SMG1: variants seen among roughly 807,000 people sequenced by gnomAD.
SMG1 encodes the protein SMG1 nonsense mediated mRNA decay associated PI3K related kinase.
A neutral mutation model predicts 419.9 loss-of-function variants in SMG1; 22 were observed. The ratio of observed to expected loss-of-function variants is 0.05; its 90% CI spans 0.04 to 0.07. SMG1 has a LOEUF of 0.07. Ranked by LOEUF, SMG1 falls within the 10% of genes least tolerant of loss-of-function variation. SMG1 has a pLI of 1.00. For missense variants in SMG1, 3,185 were observed against 4,342.0 expected (o/e 0.73, Z 7.49); for synonymous variants, 1,538 against 1,553.5 (o/e 0.99, Z 0.23).
intron 46 of SMG1, among the ~76,000 whole-genome samples, chr16:18,836,791 T>A (rs530729562): frequency 1.3e-5 from 2 of 152,338 alleles, no homozygotes; most frequent in South Asian, 4.1e-4. Context: ...GCTTGACAGA[T>A]CTTTGTAATC....
At chr16:18,900,164 G>A in intron 1 of SMG1, 3 of 554,788 alleles carry the variant, frequency 5.4e-6, no homozygotes, top group Non-Finnish European at 9.5e-6. Flanking sequence ...TCCCATTAGG[G>A]TTCATACATT....
intron 54 of SMG1, 37 bp downstream of exon 54, chr16:18,829,249 C>T (rs759025627): frequency 1.3e-6 from 2 of 1,529,446 alleles, no homozygotes; most frequent in Non-Finnish European, 8.9e-7. Flanking sequence ...AAGTTTCCTA[C>T]CTTGAGGAAA....
intron 56 of SMG1, 127 bp from the exon 57 acceptor site, chr16:18,817,597 A>G: frequency 2.7e-6 from 2 of 745,210 alleles, no homozygotes; most frequent in Non-Finnish European, 4.2e-6. Flanking sequence ...TGGTCCTGAA[A>G]ATGTTTGGGA....
At chr16:18,809,697 G>T in intron 62 of SMG1, 51 bp from the exon 63 acceptor site, 2 of 1,410,672 alleles carry the variant, frequency 1.4e-6, no homozygotes, top group Middle Eastern at 1.8e-4. Context: ...CTTTTCAATT[G>T]TCTGCTGAAT....
chr16:18,842,924 G>T (rs979379598), intron 39 of SMG1, among the ~76,000 whole-genome samples: 2 of 152,224 alleles, frequency 1.3e-5, no homozygotes, highest in Non-Finnish European at 2.9e-5. Flanking sequence ...GGCCATCCTG[G>T]ATGGGTTAAC....
chr16:18,841,082 A>G, intron 41 of SMG1, among the ~76,000 whole-genome samples: 1 of 152,068 alleles, frequency 6.6e-6, no homozygotes, highest in Non-Finnish European at 1.5e-5. Flanking sequence ...AACCAAAAAA[A>G]AGCAAACAAC....
At chr16:18,918,045 G>C (rs2038045451) in intron 1 of SMG1, among the ~76,000 whole-genome samples, 1 of 151,616 alleles carries the variant, frequency 6.6e-6, no homozygotes, top group South Asian at 2.1e-4. Flanking sequence ...TGGATCACCT[G>C]AGGTCATGAG....
At position 18,842,225 on chromosome 16, in the gene SMG1, T is replaced by C; in HGVS notation, c.6449A>G (p.Tyr2150Cys). 1 of 1,613,660 alleles carries C rather than the reference T, an allele frequency of 6.2e-7. No homozygotes were observed. Among genetic ancestry groups the C allele is most frequent in the East Asian group, 2.2e-5 (1 of 44,872 alleles). Reference protein sequence around the residue: ...LLFLGSDGKSYPYLFKGLEDL... With the variant: ...LLFLGSDGKSCPYLFKGLEDL... Reference sequence around the variant, plus strand: ...AATCCTACCTTTGAAAAGATAAGGATAGCTCTTCCCATCTGATCCAAGAAA... The same window carrying C: ...AATCCTACCTTTGAAAAGATAAGGACAGCTCTTCCCATCTGATCCAAGAAA... Residue 2150 changes from tyrosine to cysteine, a missense_variant, in exon 40 of 63, where the codon TAT becomes TGT. Tyr to Cys is a radical substitution (Grantham distance 194). Around this residue, in one of 27 missense-constraint regions of SMG1, gnomAD observed 159 missense variants for 196.0 expected, o/e 0.81. Transcript: ENST00000446231.
In SMG1 at chr16:18,809,328, G is replaced by A. The variant is rs769991683; in HGVS notation, c.*241C>T. The A allele has an allele frequency of 4.6e-5, 23 of 501,566 alleles. No homozygotes were observed. Among genetic ancestry groups the A allele is most frequent in the Admixed American group, 1.0e-4 (3 of 30,142 alleles). The allele number at this position is 501,566 out of a possible 1,614,324, so 31.1% of individuals were successfully genotyped here. On this transcript the variant is annotated 3_prime_UTR_variant, in exon 63 of 63. Coordinates refer to ENST00000446231, the MANE Select transcript of SMG1 (RefSeq NM_015092.5). ...AGAAAGACAATCTCCGTGTTCAGGC[G>A]GTGAGCTTGCTTTCCTTCACCCTTG...
intron 13 of SMG1, chr16:18,875,278 CAGTA>C (rs1383501318): frequency 1.3e-5 from 2 of 152,544 alleles, no homozygotes; most frequent in Non-Finnish European, 2.9e-5. Context: ...GGATGCTCAC[CAGTA>C]AGTGTTATGA....
Position 18,868,562 on chromosome 16 carries a change from T to G in SMG1, c.2991A>C (p.Ala997=). 6.3e-7 allele frequency: 1 copy of G among 1,596,376 alleles called. No homozygotes were observed. Among genetic ancestry groups the G allele is most frequent in the Admixed American group, 1.7e-5 (1 of 60,010 alleles). Residue 997 remains alanine (A), a synonymous_variant, in exon 21 of 63, where the codon GCA becomes GCC. Coordinates refer to ENST00000446231, the MANE Select transcript of SMG1 (RefSeq NM_015092.5). Reference sequence around the variant, plus strand: ...TTAATGCATTAGCACATCCCTCGTATGCATTATACATTAATTTCTCCAGAT... The same window carrying G: ...TTAATGCATTAGCACATCCCTCGTAGGCATTATACATTAATTTCTCCAGAT... ...LENLEKLMYN[A]YEGCANALTS...
chr16:18,888,518 C>T (rs2036737920), intron 6 of SMG1, among the ~76,000 whole-genome samples: 1 of 151,348 alleles, frequency 6.6e-6, no homozygotes, highest in Non-Finnish European at 1.5e-5. Flanking sequence ...CTCTGTTGCC[C>T]AGGCAATGGT....
intron 48 of SMG1, 65 bp from the exon 49 acceptor site, chr16:18,835,229 G>C: frequency 6.8e-7 from 1 of 1,464,578 alleles, no homozygotes; most frequent in Admixed American, 2.2e-5. Flanking sequence ...AAAGAATATT[G>C]CATTTAATCC....
Position 18,884,138 on chromosome 16 carries a change from C to T in SMG1, c.1051G>A (p.Val351Ile), listed in dbSNP as rs758005792. ...GTAGTAGAAAATGCAAGATCAGCTACCCAAAATGGCTCCAAACTCTGCAAC... is the reference window on the plus strand; with the variant it reads ...GTAGTAGAAAATGCAAGATCAGCTATCCAAAATGGCTCCAAACTCTGCAAC... ...GWLQSLEPFW[V>I]ADLAFSTTLL... The change falls in exon 9 of 63, where the codon GTA (valine) becomes ATA (isoleucine). Residue 351 changes from valine to isoleucine, a missense_variant. Val to Ile is a conservative substitution (Grantham distance 29). Coordinates refer to ENST00000446231, the MANE Select transcript of SMG1 (RefSeq NM_015092.5). 6 of 1,603,074 alleles carry T rather than the reference C, an allele frequency of 3.7e-6. No homozygotes were observed. In the Admixed American group the frequency reaches 5.1e-5, roughly 14 times the overall value.
intron 62 of SMG1, 69 bp downstream of exon 62, chr16:18,811,692 G>A (rs1427685556): frequency 7.8e-7 from 1 of 1,274,294 alleles, no homozygotes; most frequent in Non-Finnish European, 1.1e-6. Flanking sequence ...ATCGATGAGA[G>A]GGATCTTTAT....
In SMG1 at chr16:18,858,191, G is replaced by T. The variant is rs748133264; in HGVS notation, c.4213C>A (p.Gln1405Lys). ...TTACCTTTAATTTTCTCCAACAACT[G>T]ATTCTGGTACATAGTATACCTTAAT... ...QALRYTMYQNQLLEKIKEQTV... is the reference protein window; with the variant it reads ...QALRYTMYQNKLLEKIKEQTV... The change falls in exon 29 of 63, where the codon CAG becomes AAG. Residue 1405 changes from glutamine (Q) to lysine (K), a missense_variant. Physicochemically the swap from Gln to Lys is moderately conservative, Grantham distance 53 (BLOSUM62 1). This residue lies in a region of SMG1 where 493 missense variants were observed against 552.9 expected (regional missense o/e 0.89). Transcript: ENST00000446231. 1 of 1,579,304 alleles carries T rather than the reference G, an allele frequency of 6.3e-7. No homozygotes were observed. Among genetic ancestry groups the T allele is most frequent in the Non-Finnish European group, 8.6e-7 (1 of 1,163,216 alleles).
At chr16:18,828,304 A>G (rs904017251) in intron 54 of SMG1, 136 bp from the exon 55 acceptor site, 3 of 748,372 alleles carry the variant, frequency 4.0e-6, no homozygotes, top group Non-Finnish European at 6.3e-6. Flanking sequence ...AAGCAGGGAG[A>G]AGTAACAGAA....
At chr16:18,851,812 G>C (rs532623944) in intron 33 of SMG1, among the ~76,000 whole-genome samples, 4 of 152,006 alleles carry the variant, frequency 2.6e-5, no homozygotes, top group Non-Finnish European at 5.9e-5. Flanking sequence ...CAAAGTGCTG[G>C]GATTACAGGT....
intron 10 of SMG1, among the ~76,000 whole-genome samples, chr16:18,881,399 C>A (rs1162186799): frequency 6.6e-6 from 1 of 152,084 alleles, no homozygotes; most frequent in Non-Finnish European, 1.5e-5. Context: ...CATTTCTGCT[C>A]AAGTACGCAA....
Sources: allele counts gnomAD v4.1 joint callset (sites outside exome capture counted in the v4.1 genomes callset), GRCh38; gene constraint gnomAD v4.1.1; regional missense constraint gnomAD v4.1.1; transcripts MANE v1.5; gene names NCBI Gene and HGNC (gene_info 2026-07-23, HGNC 2026-07-21).